Variants in LRRC4C observed in about 807,000 individuals in gnomAD.
LRRC4C encodes leucine-rich repeat-containing protein 4C.
In LRRC4C, 5 loss-of-function variants were observed where a neutral mutation model predicts 33.6. The ratio of observed to expected loss-of-function variants is 0.15; its 90% CI spans 0.08 to 0.31. LRRC4C has a LOEUF of 0.31. LRRC4C is among the 10% of genes least tolerant of loss of function. The pLI is 1.00. For missense variants in LRRC4C, 560 were observed against 796.7 expected (o/e 0.70, Z 3.58); for synonymous variants, 329 against 302.0 (o/e 1.09, Z -0.93).
intron 4 of LRRC4C, among the ~76,000 whole-genome samples, chr11:40,298,437 C>G (rs900992838): frequency 6.6e-6 from 1 of 150,376 alleles, no homozygotes; most frequent in African/African-American, 2.5e-5. Flanking sequence ...TGGGCTCCAC[C>G]CCACATGCAT....
At chr11:41,003,206 T>G (rs979948302) in intron 1 of LRRC4C, among the ~76,000 whole-genome samples, 3 of 152,158 alleles carry the variant, frequency 2.0e-5, no homozygotes, top group Non-Finnish European at 2.9e-5. Context: ...AATGTTTTCT[T>G]GATATTTCTT....
chr11:41,231,785 A>G (rs944337827), intron 1 of LRRC4C, among the ~76,000 whole-genome samples: 3 of 151,164 alleles, frequency 2.0e-5, no homozygotes, highest in Non-Finnish European at 4.4e-5. Flanking sequence ...GTGTGTGTGT[A>G]TATATATGTA....
intron 3 of LRRC4C, among the ~76,000 whole-genome samples, chr11:40,408,305 A>G (rs1055277402): frequency 6.6e-6 from 1 of 152,068 alleles, no homozygotes; most frequent in African/African-American, 2.4e-5. Context: ...AAGGTATTAT[A>G]CATTTAATTA....
In LRRC4C at chr11:41,218,956, A is replaced by C. The variant is rs1248784816; in HGVS notation, c.-496+240475T>G. On this transcript the variant is annotated intron_variant, in intron 1 of 6. Coordinates refer to ENST00000528697, the MANE Select transcript of LRRC4C (RefSeq NM_001258419.2). ...CTAAATTTTTGTGTGTGTTTTTAGT[A>C]GAGACGGGGTTTCACTGTGTTAGCC... Among the ~76,000 whole-genome samples the C allele has an allele frequency of 4.0e-5, 6 of 151,862 alleles. No individual in the cohort carries two copies. The East Asian group carries it at 1.2e-3, about 29-fold the overall frequency.
At chr11:40,156,347 G>C (rs150031159) in intron 5 of LRRC4C, among the ~76,000 whole-genome samples, 4,179 of 152,206 alleles carry the variant, frequency 0.027, 96 homozygotes, top group Non-Finnish European at 0.042. Flanking sequence ...GTCCTAGCCA[G>C]AGCAATAAGA....
intron 1 of LRRC4C, among the ~76,000 whole-genome samples, chr11:41,011,860 A>T (rs1398155584): frequency 2.1e-5 from 1 of 47,874 alleles, no homozygotes; most frequent in African/African-American, 6.3e-5. Flanking sequence ...TGTTACATGT[A>T]TTTTTGAGAT....
intron 2 of LRRC4C, among the ~76,000 whole-genome samples, chr11:40,933,120 G>C (rs1276197447): frequency 6.6e-6 from 1 of 152,214 alleles, no homozygotes; most frequent in Non-Finnish European, 1.5e-5. Flanking sequence ...GGACCAGGTT[G>C]ATAGAGAAAG....
chr11:40,417,698 A>G (rs551100241), intron 3 of LRRC4C, among the ~76,000 whole-genome samples: 1 of 151,930 alleles, frequency 6.6e-6, no homozygotes, highest in Non-Finnish European at 1.5e-5. Flanking sequence ...AAGCTCACTC[A>G]TTCATCCATT....
chr11:40,820,837 T>C lies in LRRC4C; in HGVS notation c.-407+112798A>G, dbSNP rs537719651. Among the ~76,000 whole-genome samples the C allele has an allele frequency of 3.3e-5, 5 of 151,684 alleles. No individual in the cohort carries two copies. The South Asian group carries it at 1.0e-3, about 32-fold the overall frequency. ...CAGTGTAGTCAGACAAATAAATAAC[T>C]AAAAGACATCTAGATTATAGAGGAA... On this transcript the variant is annotated intron_variant, in intron 2 of 6. Coordinates refer to ENST00000528697, the MANE Select transcript of LRRC4C (RefSeq NM_001258419.2).
At chr11:41,012,343 C>T (rs1855262688) in intron 1 of LRRC4C, among the ~76,000 whole-genome samples, 1 of 152,070 alleles carries the variant, frequency 6.6e-6, no homozygotes, top group Non-Finnish European at 1.5e-5. Context: ...ATTTGTTATT[C>T]TGTGCTTGGC....
intron 3 of LRRC4C, among the ~76,000 whole-genome samples, chr11:40,606,060 C>T (rs1200652031): frequency 6.6e-6 from 1 of 152,116 alleles, no homozygotes. Flanking sequence ...AACAAAACAG[C>T]TTGGTTGTCT....
intron 1 of LRRC4C, among the ~76,000 whole-genome samples, chr11:41,386,987 G>A (rs1231167626): frequency 6.6e-6 from 1 of 151,696 alleles, no homozygotes; most frequent in Non-Finnish European, 1.5e-5. Flanking sequence ...TTAGAGAATT[G>A]CTTCATTTCC....
intron 1 of LRRC4C, among the ~76,000 whole-genome samples, chr11:41,286,896 T>C (rs1253179982): frequency 4.6e-5 from 7 of 152,040 alleles, no homozygotes; most frequent in Non-Finnish European, 1.0e-4. Context: ...TTCTTTTCCT[T>C]AACAAAGAAA....
intron 1 of LRRC4C, among the ~76,000 whole-genome samples, chr11:41,310,929 C>T (rs1950626796): frequency 1.3e-5 from 2 of 152,158 alleles, no homozygotes; most frequent in Admixed American, 1.3e-4. Context: ...TATAGGTAGG[C>T]TGTAGATAAA....
intron 1 of LRRC4C, among the ~76,000 whole-genome samples, chr11:41,384,701 A>C (rs1393448916): frequency 1.3e-5 from 2 of 151,078 alleles, no homozygotes; most frequent in Non-Finnish European, 3.0e-5. Context: ...GAGTAACTTC[A>C]CTGTCGGTTG....
intron 5 of LRRC4C, among the ~76,000 whole-genome samples, chr11:40,177,493 C>T (rs1860606853): frequency 6.6e-6 from 1 of 152,078 alleles, no homozygotes; most frequent in African/African-American, 2.4e-5. Context: ...CTTCCAGTCA[C>T]ACTGTACTCC....
rs938676272 is a variant in LRRC4C at position 40,402,399 on chromosome 11, A to G, written c.-269-82678T>C. Among the ~76,000 whole-genome samples the G allele has an allele frequency of 4.6e-5, 7 of 152,202 alleles. No homozygotes were observed. In the East Asian group the frequency reaches 1.4e-3, roughly 29 times the overall value. ...AATCCCTGTAAAGTTGGCTGGGCAG[A>G]TATATTTTATTCTCTTTTTGGCAGT... is the stretch of plus-strand genomic sequence containing the variant. On this transcript the variant is annotated intron_variant, in intron 3 of 6. Coordinates refer to ENST00000528697, the MANE Select transcript of LRRC4C (RefSeq NM_001258419.2).
chr11:41,185,794 G>C (rs1464029475), intron 1 of LRRC4C, among the ~76,000 whole-genome samples: 3 of 151,110 alleles, frequency 2.0e-5, no homozygotes, highest in African/African-American at 4.9e-5. Flanking sequence ...CTAAACTATA[G>C]AAAAAAGTCA....
intron 2 of LRRC4C, among the ~76,000 whole-genome samples, chr11:40,683,769 T>C (rs1330186247): frequency 6.6e-6 from 1 of 152,112 alleles, no homozygotes; most frequent in Non-Finnish European, 1.5e-5. Flanking sequence ...GGGCTTGACT[T>C]CCTCATAAAA....
Sources: gnomAD v4.1 joint callset for allele counts (sites outside exome capture counted in the v4.1 genomes callset) on GRCh38, gnomAD v4.1.1 for gene constraint, MANE v1.5 for transcripts, NCBI Gene and HGNC (gene_info 2026-07-23, HGNC 2026-07-21) for gene names.